The following BCAS1 variants were observed in gnomAD, a reference collection of about 807,000 sequenced individuals.
BCAS1 encodes the protein breast carcinoma-amplified sequence 1.
In BCAS1, 46 loss-of-function variants were observed where a neutral mutation model predicts 65.4. The ratio of observed to expected loss-of-function variants is 0.70; its 90% CI spans 0.55 to 0.90. BCAS1 has a LOEUF of 0.90. Among genes scored for constraint, BCAS1 ranks in the 40% least tolerant of loss-of-function variants. The probability of loss-of-function intolerance (pLI) is 0.00; values close to 1 mark genes in which losing one functional copy is unlikely to be tolerated. For missense variants in BCAS1, 793 were observed against 771.2 expected, an observed-to-expected ratio of 1.03 and a Z score of -0.33; for synonymous variants, 298 against 293.5, an observed-to-expected ratio of 1.02 and a Z score of -0.16.
intron 7 of BCAS1, among the ~76,000 whole-genome samples, chr20:53,988,965 G>A (rs2090683641): frequency 6.6e-6 from 1 of 152,130 alleles, no homozygotes; most frequent in Admixed American, 6.6e-5. Context: ...ACCCATCAGT[G>A]AGGGAAATCT....
At chr20:54,039,492 A>G (rs1199062899) in intron 3 of BCAS1, among the ~76,000 whole-genome samples, 1 of 151,310 alleles carries the variant, frequency 6.6e-6, no homozygotes, top group African/African-American at 2.4e-5. Context: ...TAAAAGCAAC[A>G]GTGATGATCA....
intron 6 of BCAS1, among the ~76,000 whole-genome samples, chr20:53,993,465 C>T (rs982886646): frequency 1.4e-4 from 22 of 152,262 alleles, no homozygotes; most frequent in African/African-American, 5.3e-4. Flanking sequence ...TTCACAAAAC[C>T]CGCTTTTGAG....
At chr20:54,025,101 A>G (rs2091643354) in intron 4 of BCAS1, among the ~76,000 whole-genome samples, 1 of 152,202 alleles carries the variant, frequency 6.6e-6, no homozygotes, top group Non-Finnish European at 1.5e-5. Flanking sequence ...TACACTTTTA[A>G]AAGAAAAAAG....
At chr20:54,065,687 C>T (rs1479318852) in intron 1 of BCAS1, among the ~76,000 whole-genome samples, 1 of 152,150 alleles carries the variant, frequency 6.6e-6, no homozygotes, top group African/African-American at 2.4e-5. Context: ...CTGAAAAGCA[C>T]GTGAGTAAAT....
chr20:53,974,286 T>A (rs2090267152), intron 9 of BCAS1, among the ~76,000 whole-genome samples: 1 of 152,124 alleles, frequency 6.6e-6, no homozygotes, highest in Non-Finnish European at 1.5e-5. Flanking sequence ...TCACAATAAA[T>A]CTTGCTGCTG....
chr20:53,966,838 T>C lies in BCAS1; in HGVS notation c.1485+68A>G, dbSNP rs906578865. 4.9e-6 allele frequency: 7 copies of C among 1,436,330 alleles called. No individual in the cohort carries two copies. In the African/African-American group the frequency reaches 8.6e-5, roughly 18 times the overall value. 89.0% of individuals were successfully genotyped at this position (1,436,330 alleles called of 1,614,324 possible). The stretch of plus-strand genomic sequence containing the variant: ...ATTATGTCTCCTACTACCTGTGGCA[T>C]GAGCCCATTGTTCCCAGAAGCCGCT... On this transcript the variant is annotated intron_variant, in intron 10 of 12. Transcript: ENST00000688948.
At position 54,017,676 on chromosome 20, in the gene BCAS1, G is replaced by A. The variant is rs183824562; in HGVS notation, c.723+10716C>T. Among the ~76,000 whole-genome samples the A allele has an allele frequency of 3.0e-3, 451 of 152,172 alleles. 2 individuals carry two copies. The highest frequency in any genetic ancestry group is 0.01 in the African/African-American group (433 of 41,508). On this transcript the variant is annotated intron_variant, in intron 4 of 12. Coordinates refer to ENST00000688948, the MANE Select transcript of BCAS1 (RefSeq NM_001366298.2). ...CTCCCAAACTGCTGAAATTATAGGT[G>A]TGAGCCACCACGCCCGGCCAATATG...
chr20:54,027,803 CAA>C (rs11483550), intron 4 of BCAS1, among the ~76,000 whole-genome samples: 1 of 147,270 alleles, frequency 6.8e-6, no homozygotes, highest in African/African-American at 2.5e-5. Context: ...CCCCAAAAAA[CAA>C]AAAAAAAACC....
intron 1 of BCAS1, among the ~76,000 whole-genome samples, chr20:54,069,337 C>G (rs1366453923): frequency 6.6e-6 from 1 of 152,192 alleles, no homozygotes; most frequent in Non-Finnish European, 1.5e-5. Flanking sequence ...ACCGCTGTTC[C>G]TGATCTTATC....
chr20:54,058,100 G>C lies in BCAS1; in HGVS notation c.127C>G (p.Gln43Glu). 6.2e-7 allele frequency: 1 copy of C among 1,613,186 alleles called. No homozygotes were observed. The highest frequency in any genetic ancestry group is 8.5e-7 in the Non-Finnish European group (1 of 1,179,844). The change falls in exon 3 of 13, where the codon CAG becomes GAG. Residue 43 changes from glutamine to glutamate, a missense_variant. Gln to Glu is a conservative substitution (Grantham distance 29). Transcript: ENST00000688948. ...VPVVVSTHTV[Q>E]HLEEVDLGIS... Reference sequence around the variant, plus strand: ...TAGCACTGACCTTCCTCTAAGTGCTGAACTGTGTGGGTCGACACCACCACT... The same window carrying C: ...TAGCACTGACCTTCCTCTAAGTGCTCAACTGTGTGGGTCGACACCACCACT...
chr20:54,027,442 T>A (rs769910773), intron 4 of BCAS1, among the ~76,000 whole-genome samples: 1 of 152,244 alleles, frequency 6.6e-6, no homozygotes, highest in Non-Finnish European at 1.5e-5. Flanking sequence ...TATTAGCACT[T>A]CGGAAGTGCA....
At chr20:54,068,182 G>A (rs756420053) in intron 1 of BCAS1, among the ~76,000 whole-genome samples, 1 of 152,196 alleles carries the variant, frequency 6.6e-6, no homozygotes, top group Non-Finnish European at 1.5e-5. Flanking sequence ...GGGCAGGGGT[G>A]CCTTGATCAA....
At chr20:54,058,442 T>C (rs868153684) in intron 2 of BCAS1, among the ~76,000 whole-genome samples, 1 of 152,086 alleles carries the variant, frequency 6.6e-6, no homozygotes, top group Non-Finnish European at 1.5e-5. Context: ...CAGGCTCAAA[T>C]GGGCATTTGT....
intron 8 of BCAS1, among the ~76,000 whole-genome samples, chr20:53,981,538 T>C (rs1431555674): frequency 6.6e-6 from 1 of 150,876 alleles, no homozygotes; most frequent in East Asian, 1.9e-4. Flanking sequence ...CATTTGGCGT[T>C]CTTTTTTTTT....
intron 8 of BCAS1, among the ~76,000 whole-genome samples, chr20:53,982,542 G>C (rs2090509906): frequency 6.6e-6 from 1 of 152,122 alleles, no homozygotes; most frequent in African/African-American, 2.4e-5. Context: ...CAATATGTTT[G>C]AAAGCTTTTC....
intron 10 of BCAS1, among the ~76,000 whole-genome samples, chr20:53,962,509 A>C (rs941654393): frequency 1.3e-5 from 2 of 152,238 alleles, no homozygotes; most frequent in Non-Finnish European, 2.9e-5. Context: ...TTGACGAAGT[A>C]TAAAACTGTA....
intron 4 of BCAS1, among the ~76,000 whole-genome samples, chr20:54,000,218 C>T (rs2091023696): frequency 1.3e-5 from 2 of 152,114 alleles, no homozygotes; most frequent in Non-Finnish European, 2.9e-5. Context: ...TTGATTGTCA[C>T]GAGTAGCGGG....
chr20:54,064,244 C>A lies in BCAS1; in HGVS notation c.-5-5521G>T, dbSNP rs2092409560. ...GTGGGGCTGGGCATCGGGGTACTTT[C>A]AAGATCTCTAGGTGATTTCCATGGC... On this transcript the variant is annotated intron_variant, in intron 1 of 12. Coordinates refer to ENST00000688948, the MANE Select transcript of BCAS1 (RefSeq NM_001366298.2). Among the ~76,000 whole-genome samples the A allele has an allele frequency of 2.6e-5, 4 of 152,208 alleles. No individual in the cohort carries two copies. The South Asian group carries it at 8.3e-4, about 32-fold the overall frequency.
At chr20:54,038,475 G>A (rs908144851) in intron 3 of BCAS1, among the ~76,000 whole-genome samples, 7 of 151,268 alleles carry the variant, frequency 4.6e-5, no homozygotes, top group Admixed American at 2.6e-4. Flanking sequence ...GGAAACATGG[G>A]TGAAGCAGCA....
Sources: gnomAD v4.1 joint callset for allele counts (sites outside exome capture counted in the v4.1 genomes callset) on GRCh38, gnomAD v4.1.1 for gene constraint, MANE v1.5 for transcripts, NCBI Gene and HGNC (gene_info 2026-07-23, HGNC 2026-07-21) for gene names.